The following SMG9 variants were observed in gnomAD, a reference collection of about 807,000 sequenced individuals.
The protein encoded by SMG9 is SMG9 nonsense mediated mRNA decay factor.
Under a neutral mutation model 64.0 loss-of-function variants are expected in SMG9, and 55 were observed. The ratio of observed to expected loss-of-function variants is 0.86; its 90% CI spans 0.69 to 1.08. SMG9 has a LOEUF of 1.08. Ranked by LOEUF, SMG9 falls within the 50% of genes least tolerant of loss-of-function variation. The pLI is 0.00. For missense variants in SMG9, 554 were observed against 681.3 expected (o/e 0.81, Z 2.08); for synonymous variants, 244 against 254.8 (o/e 0.96, Z 0.41).
chr19:43,742,913 C>T (rs757623163), intron 6 of SMG9, among the ~76,000 whole-genome samples: 9 of 151,984 alleles, frequency 5.9e-5, no homozygotes, highest in Non-Finnish European at 1.2e-4. Context: ...CATGGCGAAA[C>T]CCCATCCCTA....
chr19:43,739,801 C>G, intron 7 of SMG9: 3 of 359,718 alleles, frequency 8.3e-6, no homozygotes, highest in Non-Finnish European at 1.6e-5. Flanking sequence ...GAGTTTAAAA[C>G]TGAAAGTCAC....
intron 2 of SMG9, among the ~76,000 whole-genome samples, chr19:43,750,042 G>A (rs773264086): frequency 1.3e-5 from 2 of 152,240 alleles, no homozygotes; most frequent in African/African-American, 2.4e-5. Flanking sequence ...AGGCTGCTCA[G>A]TAAAAAGAGT....
At position 43,740,051 on chromosome 19, in the gene SMG9, G is replaced by A. The variant is rs745730579; in HGVS notation, c.813+56C>T. 11 of 1,195,922 alleles carry A rather than the reference G, an allele frequency of 9.2e-6. No homozygotes were observed. The Admixed American group carries it at 1.8e-4, about 20-fold the overall frequency. The allele number at this position is 1,195,922 out of a possible 1,614,324, so 74.1% of individuals were successfully genotyped here. ...GGGTTCTGGCTTAATCACATTCCAG[G>A]AAGAGGCTCAATGCAGGATGTGGCA... is the stretch of plus-strand genomic sequence containing the variant. On this transcript the variant is annotated intron_variant, in intron 7 of 13. Coordinates refer to ENST00000270066, the MANE Select transcript of SMG9 (RefSeq NM_019108.4).
rs925067218 is a variant in SMG9, at chr19:43,754,712, C to A, written c.-65G>T. ...GTGTGCGCTCTCCCGTGACGGGAGT[C>A]GGGTGGGGGCGGGGAGGCTGACCCA... On this transcript the variant is annotated 5_prime_UTR_variant, in exon 1 of 14. Transcript: ENST00000270066. 6.6e-6 allele frequency: 1 copy of A among 151,876 alleles called. No homozygotes were observed. Among genetic ancestry groups the A allele is most frequent in the Non-Finnish European group, 1.5e-5 (1 of 67,934 alleles). The allele number at this position is 151,876 out of a possible 1,614,324, so 9.4% of individuals were successfully genotyped here. A position where few individuals can be genotyped will look rare whatever the true frequency, so the allele number is the denominator to read the frequency against.
intron 1 of SMG9, 82 bp from the exon 2 acceptor site, chr19:43,750,829 T>A: frequency 7.7e-7 from 1 of 1,297,160 alleles, no homozygotes; most frequent in South Asian, 1.7e-5. Context: ...ACGAAGTCCC[T>A]TCTTTCTTTT....
intron 9 of SMG9, among the ~76,000 whole-genome samples, chr19:43,736,090 C>G (rs764750945): frequency 2.0e-4 from 30 of 152,220 alleles, no homozygotes; most frequent in Non-Finnish European, 2.5e-4. Flanking sequence ...AACTCCCCAG[C>G]AAGCCTTTTT....
intron 2 of SMG9, among the ~76,000 whole-genome samples, chr19:43,749,261 A>G (rs1224409214): frequency 6.6e-6 from 1 of 152,190 alleles, no homozygotes; most frequent in Non-Finnish European, 1.5e-5. Flanking sequence ...GGGAGAGGCG[A>G]GAGAGGCATT....
At chr19:43,737,550 T>G in intron 9 of SMG9, 47 bp downstream of exon 9, 1 of 1,546,812 alleles carries the variant, frequency 6.5e-7, no homozygotes, top group Admixed American at 1.8e-5. Flanking sequence ...GGCCTTTGTC[T>G]CCTGCCTCAT....
At chr19:43,739,271 T>C (rs1968772447) in intron 7 of SMG9, among the ~76,000 whole-genome samples, 1 of 152,240 alleles carries the variant, frequency 6.6e-6, no homozygotes, top group African/African-American at 2.4e-5. Context: ...GCTAAGGGTA[T>C]TTAGCACCTA....
At position 43,731,534 on chromosome 19, in the gene SMG9, T is replaced by C. The variant is rs560869660; in HGVS notation, c.*62A>G. ...CACCCCAGCGGGGGATGGACATCTG[T>C]GCTCCCTCGCAGTACACTGCGGACC... is the stretch of plus-strand genomic sequence containing the variant. On this transcript the variant is annotated 3_prime_UTR_variant, in exon 14 of 14. Transcript: ENST00000270066. The C allele has an allele frequency of 1.2e-6, 2 of 1,607,478 alleles. No individual in the cohort carries two copies. Among genetic ancestry groups the C allele is most frequent in the Admixed American group, 3.4e-5 (2 of 59,302 alleles).
chr19:43,752,671 G>A lies in SMG9; in HGVS notation c.-6-1924C>T, dbSNP rs1453998214. 2.0e-5 allele frequency among the ~76,000 whole-genome samples: 3 copies of A among 152,202 alleles called. No homozygotes were observed. The East Asian group carries it at 5.8e-4, about 29-fold the overall frequency. ...CCGACACTTTGGGAGGCCGAGACAG[G>A]AGGACTGCTTCAGCCCAGGAGTTCG... On this transcript the variant is annotated intron_variant, in intron 1 of 13. Coordinates refer to ENST00000270066, the MANE Select transcript of SMG9 (RefSeq NM_019108.4).
chr19:43,752,116 A>G (rs1442243383), intron 1 of SMG9, among the ~76,000 whole-genome samples: 1 of 152,228 alleles, frequency 6.6e-6, no homozygotes. Context: ...CCAACACTCA[A>G]GGGCCTATTT....
In SMG9 at chr19:43,747,767, G is replaced by C. The variant is rs780084725; in HGVS notation, c.356C>G (p.Pro119Arg). Residue 119 changes from proline to arginine, a missense_variant, in exon 4 of 14, where the codon CCT becomes CGT. Pro to Arg is a moderately radical substitution (Grantham distance 103). Transcript: ENST00000270066. ...AGGGGGTGGTGGGGCGGTGCCCTCAGGGGTAGAGGCACCTGTCACGGCCAC... is the reference window on the plus strand; with the variant it reads ...AGGGGGTGGTGGGGCGGTGCCCTCACGGGTAGAGGCACCTGTCACGGCCAC... ...GPVAVTGASTPEGTAPPPPAA... is the reference protein window; with the variant it reads ...GPVAVTGASTREGTAPPPPAA... 6.2e-7 allele frequency: 1 copy of C among 1,608,890 alleles called. No individual in the cohort carries two copies. The highest frequency in any genetic ancestry group is 8.5e-7 in the Non-Finnish European group (1 of 1,177,968).
intron 6 of SMG9, among the ~76,000 whole-genome samples, chr19:43,741,967 GTGAAA>G (rs904610869): frequency 3.3e-5 from 5 of 152,228 alleles, no homozygotes; most frequent in African/African-American, 1.2e-4. Context: ...GGCCAACATG[GTGAAA>G]CCCTGTCTCT....
intron 6 of SMG9, among the ~76,000 whole-genome samples, chr19:43,741,334 G>C (rs1021949112): frequency 6.6e-5 from 10 of 152,216 alleles, no homozygotes; most frequent in African/African-American, 2.4e-4. Flanking sequence ...TGCATCGGCA[G>C]AAAGTAGGTG....
intron 2 of SMG9, chr19:43,750,384 T>G: frequency 1.4e-6 from 1 of 706,420 alleles, no homozygotes; most frequent in Non-Finnish European, 2.6e-6. Flanking sequence ...CCTTCAAGTC[T>G]CTGCTAAAAA....
intron 7 of SMG9, among the ~76,000 whole-genome samples, chr19:43,739,323 T>C (rs1208438592): frequency 6.6e-6 from 1 of 152,250 alleles, no homozygotes. Flanking sequence ...CTTGCATCGA[T>C]GCACTGAAAC....
intron 12 of SMG9, 29 bp from the exon 13 acceptor site, chr19:43,733,031 G>A (rs1210400282): frequency 1.3e-6 from 2 of 1,579,742 alleles, no homozygotes; most frequent in South Asian, 1.2e-5. Flanking sequence ...GAGGGTAAGA[G>A]GGATAGACTG....
chr19:43,751,669 C>T (rs1419693205), intron 1 of SMG9, among the ~76,000 whole-genome samples: 1 of 152,218 alleles, frequency 6.6e-6, no homozygotes, highest in Non-Finnish European at 1.5e-5. Context: ...CCAGAAACTT[C>T]CCTTCACAGA....
Sources: gnomAD v4.1 joint callset for allele counts (sites outside exome capture counted in the v4.1 genomes callset) on GRCh38, gnomAD v4.1.1 for gene constraint, MANE v1.5 for transcripts, NCBI Gene and HGNC (gene_info 2026-07-23, HGNC 2026-07-21) for gene names.